The following MTCL1 variants were observed in gnomAD, a reference collection of about 807,000 sequenced individuals.
MTCL1 encodes the protein microtubule crosslinking factor 1, also known as microtubule cross-linking factor 1.
Under a neutral mutation model 141.4 loss-of-function variants are expected in MTCL1, and 79 were observed. That is an observed-to-expected ratio of 0.56 (90% CI 0.47 to 0.67). The LOEUF (loss-of-function observed/expected upper bound fraction) is 0.67, where lower values mean the gene tolerates loss of function less well. Among genes scored for constraint, MTCL1 ranks in the 30% least tolerant of loss-of-function variants. The pLI is 0.00. For synonymous variants in MTCL1, 914 were observed against 875.8 expected (o/e 1.04, Z -0.77); for missense variants, 2,177 against 2,113.9 (o/e 1.03, Z -0.59).
chr18:8,759,061 T>C lies in MTCL1; in HGVS notation c.358-18772T>C, dbSNP rs1016413518. Among the ~76,000 whole-genome samples, 4 of 152,336 alleles carry C rather than the reference T, an allele frequency of 2.6e-5. 1 individual carries two copies. The highest frequency in any genetic ancestry group is 1.9e-4 in the East Asian group (1 of 5,184). On this transcript the variant is annotated intron_variant, in intron 4 of 16. Transcript: ENST00000359865. ...ATCCTGGAGGAAAACGGGGATGTTGTTACTGTTTGCAATTCTGCATTTGCG... is the reference window on the plus strand; with the variant it reads ...ATCCTGGAGGAAAACGGGGATGTTGCTACTGTTTGCAATTCTGCATTTGCG...
intron 4 of MTCL1, among the ~76,000 whole-genome samples, chr18:8,733,827 C>T (rs1213133037): frequency 6.6e-6 from 1 of 152,036 alleles, no homozygotes; most frequent in Non-Finnish European, 1.5e-5. Context: ...TTGGCCAGGC[C>T]GTTTTTACTT....
At chr18:8,705,613 C>A (rs1356221038), upstream of MTCL1, 4 of 1,212,884 alleles carry the variant, frequency 3.3e-6, no homozygotes, top group Non-Finnish European at 4.1e-6. This position sits in a 1 kb window ranked among gnomAD's most constrained non-coding sequence, Gnocchi z 5.2. Flanking sequence ...CCGCCGCCGT[C>A]GTCGTCCGGA....
At chr18:8,811,066 G>C (rs1415542208) in intron 11 of MTCL1, 1 of 151,918 alleles carries the variant, frequency 6.6e-6, no homozygotes, top group Non-Finnish European at 1.5e-5. Flanking sequence ...TCCGTTTACT[G>C]TTGCAATAAA....
chr18:8,822,775 C>A lies in MTCL1; in HGVS notation c.3188+1277C>A, dbSNP rs1294363201. Among the ~76,000 whole-genome samples the A allele has an allele frequency of 6.6e-6, 1 of 152,080 alleles. No homozygotes were observed. On this transcript the variant is annotated intron_variant, in intron 14 of 16. Transcript: ENST00000359865. The surrounding 1 kb of genome is among the most constrained non-coding windows in gnomAD (Gnocchi z 4.6). ...AAACAAACAGTAAACAGAGTTTAGT[C>A]ATTACACCCTCCCACCTTCCCCGTT...
At chr18:8,788,281 G>A (rs56848389) in intron 7 of MTCL1, among the ~76,000 whole-genome samples, 2,242 of 152,078 alleles carry the variant, frequency 0.015, 28 homozygotes, top group African/African-American at 0.035. Context: ...AATAACCACG[G>A]ATTTTGCCCT....
chr18:8,831,806 G>T, exon 17 of MTCL1: 1 of 1,550,182 alleles, frequency 6.5e-7, no homozygotes. Context: ...CGAGATGCAA[G>T]CTTGCATGGA....
At chr18:8,808,000 T>G (rs1336346508) in intron 11 of MTCL1, among the ~76,000 whole-genome samples, 1 of 144,902 alleles carries the variant, frequency 6.9e-6, no homozygotes, top group African/African-American at 2.6e-5. Flanking sequence ...AAAGACTTGA[T>G]GTGTCAAAAA....
At chr18:8,826,295 G>A in intron 15 of MTCL1, 63 bp downstream of exon 14, 1 of 1,403,168 alleles carries the variant, frequency 7.1e-7, no homozygotes, top group East Asian at 2.5e-5. Flanking sequence ...TGTGGGGCAG[G>A]TTGGGACTTG....
chr18:8,786,031 C>T (rs746924877), exon 7 of MTCL1: 2 of 1,606,570 alleles, frequency 1.2e-6, no homozygotes, highest in East Asian at 2.2e-5. Context: ...AGCTGCACCG[C>T]CGCGCAGACG....
At chr18:8,815,507 T>C (rs1036240122) in intron 12 of MTCL1, among the ~76,000 whole-genome samples, 6 of 151,970 alleles carry the variant, frequency 3.9e-5, no homozygotes, top group Non-Finnish European at 7.4e-5. Flanking sequence ...TTAGGAGTTA[T>C]ACCTAATGCT....
chr18:8,751,660 C>CCAGT (rs1259230607), intron 4 of MTCL1, among the ~76,000 whole-genome samples: 1 of 152,158 alleles, frequency 6.6e-6, no homozygotes, highest in East Asian at 1.9e-4. Flanking sequence ...GTCACCTGGT[C>CCAGT]CAGTGCAGGA....
chr18:8,809,666 G>A lies in MTCL1; in HGVS notation c.2604+2606G>A, dbSNP rs115613764. 10,793 of 1,480,372 alleles carry A rather than the reference G, an allele frequency of 7.3e-3. 427 individuals carry two copies. The Admixed American group carries it at 0.1, about 14-fold the overall frequency. 91.7% of individuals were successfully genotyped at this position (1,480,372 alleles called of 1,614,324 possible). On this transcript the variant is annotated intron_variant, in intron 11 of 16. Coordinates refer to ENST00000359865, the Ensembl canonical transcript of MTCL1. The stretch of plus-strand genomic sequence containing the variant: ...TAGAGAGTGGCCGGGCCTGGTGGCC[G>A]GTTCATGAGACGCCGTGGAGCAACA...
intron 5 of MTCL1, among the ~76,000 whole-genome samples, chr18:8,780,020 T>A (rs1226957937): frequency 6.6e-6 from 1 of 152,102 alleles, no homozygotes; most frequent in Non-Finnish European, 1.5e-5. Flanking sequence ...ATTTGAGGGC[T>A]CTATGGGGAC....
chr18:8,826,177 G>A lies in MTCL1; in HGVS notation c.4667G>A (p.Gly1556Asp), dbSNP rs1393772227. The change falls in exon 15 of 17, where the codon GGT (glycine) becomes GAT (aspartate). Residue 1556 changes from glycine to aspartate, a missense_variant. Physicochemically the swap from Gly to Asp is moderately conservative, Grantham distance 94. Coordinates refer to ENST00000359865, the Ensembl canonical transcript of MTCL1. ...AGGCAGGCTGCCCACGGGCCCCCGGGTCTCCACAGTGACAGCCACTCGCTG... is the reference window on the plus strand; with the variant it reads ...AGGCAGGCTGCCCACGGGCCCCCGGATCTCCACAGTGACAGCCACTCGCTG... 6.8e-6 allele frequency: 11 copies of A among 1,611,810 alleles called. No individual in the cohort carries two copies. In the African/African-American group the frequency reaches 8.0e-5, roughly 12 times the overall value.
intron 10 of MTCL1, among the ~76,000 whole-genome samples, chr18:8,799,010 T>C (rs2076021957): frequency 6.6e-6 from 1 of 152,180 alleles, no homozygotes; most frequent in African/African-American, 2.4e-5. Flanking sequence ...GTATTAATAA[T>C]AATAAAGCTG....
At chr18:8,770,986 T>G (rs2096483077) in intron 4 of MTCL1, among the ~76,000 whole-genome samples, 1 of 151,806 alleles carries the variant, frequency 6.6e-6, no homozygotes. Context: ...ATATTTAGAA[T>G]AAAAACAAAT....
intron 5 of MTCL1, chr18:8,778,107 G>T: frequency 2.2e-6 from 1 of 463,820 alleles, no homozygotes; most frequent in Non-Finnish European, 3.8e-6. Context: ...CTGACAAGCT[G>T]GTGATTTCTT....
At chr18:8,820,280 G>C (rs1568099510) in intron 13 of MTCL1, among the ~76,000 whole-genome samples, 1 of 151,988 alleles carries the variant, frequency 6.6e-6, no homozygotes, top group Non-Finnish European at 1.5e-5. Flanking sequence ...CGTGGTGGCG[G>C]GTGCCTGTAG....
At chr18:8,809,678 G>T (rs939496166) in intron 11 of MTCL1, 28 of 1,454,498 alleles carry the variant, frequency 1.9e-5, no homozygotes, top group African/African-American at 4.3e-5. Flanking sequence ...TTCATGAGAC[G>T]CCGTGGAGCA....
Sources: gnomAD v4.1 joint callset for allele counts (sites outside exome capture counted in the v4.1 genomes callset) on GRCh38, gnomAD v4.1.1 for gene constraint, Gnocchi (gnomAD v3.1) non-coding constraint, MANE v1.5 for transcripts, NCBI Gene and HGNC (gene_info 2026-07-23, HGNC 2026-07-21) for gene names.